Variants in LNPEP observed in about 807,000 individuals in gnomAD.
LNPEP encodes the protein leucyl-cystinyl aminopeptidase.
LNPEP carries 64 observed loss-of-function variants against 120.6 expected under a neutral mutation model. The observed-to-expected ratio is 0.53, with a 90% CI of 0.43 to 0.65. The LOEUF (loss-of-function observed/expected upper bound fraction) is 0.65. Among genes scored for constraint, LNPEP ranks in the 30% least tolerant of loss-of-function variants. The pLI, the probability that LNPEP is intolerant of heterozygous loss-of-function variation, is 0.00. For synonymous variants in LNPEP, 435 were observed against 425.4 expected, an observed-to-expected ratio of 1.02 and a Z score of -0.28; for missense variants, 1,057 against 1,200.0, an observed-to-expected ratio of 0.88 and a Z score of 1.76.
At position 97,027,805 on chromosome 5, in the gene LNPEP, T is replaced by C; in HGVS notation, c.2937T>C (p.His979=). 1.3e-6 allele frequency: 2 copies of C among 1,598,938 alleles called. No homozygotes were observed. The highest frequency in any genetic ancestry group is 8.6e-7 in the Non-Finnish European group (1 of 1,166,166). Reference sequence around the variant, plus strand: ...CTTACCTGTTTTCAACAAAGACACATTTATCTGAGGTTGGTTTTATAAAAT... The same window carrying C: ...CTTACCTGTTTTCAACAAAGACACACTTATCTGAGGTTGGTTTTATAAAAT... ...GSTYLFSTKT[H]LSEVQAFFEN... The change falls in exon 17 of 18, where the codon CAT becomes CAC. Residue 979 remains histidine, a synonymous_variant. Transcript: ENST00000231368.
At chr5:96,966,003 C>T (rs957353669) in intron 1 of LNPEP, among the ~76,000 whole-genome samples, 1 of 152,068 alleles carries the variant, frequency 6.6e-6, no homozygotes, top group Non-Finnish European at 1.5e-5. Flanking sequence ...TGGTCATTGG[C>T]ATTCTCTAGT....
At chr5:96,987,083 C>T (rs540749596) in intron 4 of LNPEP, among the ~76,000 whole-genome samples, 3 of 152,156 alleles carry the variant, frequency 2.0e-5, no homozygotes, top group Admixed American at 6.5e-5. Flanking sequence ...GCTACATATT[C>T]GATAGCTCTA....
intron 2 of LNPEP, 23 bp downstream of exon 2, chr5:96,980,001 T>A: frequency 1.3e-6 from 2 of 1,554,606 alleles, no homozygotes; most frequent in South Asian, 2.4e-5. Flanking sequence ...CTTAAATGAT[T>A]CTGGTTTTAC....
intron 5 of LNPEP, 61 bp downstream of exon 5, chr5:96,993,196 A>AT (rs1448632117): frequency 1.5e-6 from 2 of 1,293,202 alleles, no homozygotes; most frequent in South Asian, 3.3e-5. Flanking sequence ...TATTTTGTGA[A>AT]TTTTTTTAGA....
intron 1 of LNPEP, among the ~76,000 whole-genome samples, chr5:96,947,692 G>A (rs1212039648): frequency 6.6e-6 from 1 of 152,088 alleles, no homozygotes; most frequent in Non-Finnish European, 1.5e-5. Flanking sequence ...GTAGAACTCC[G>A]TGGTTATTAT....
chr5:96,949,280 G>A (rs1789265712), intron 1 of LNPEP, among the ~76,000 whole-genome samples: 1 of 152,256 alleles, frequency 6.6e-6, no homozygotes, highest in Non-Finnish European at 1.5e-5. Flanking sequence ...CAGGAGGTGA[G>A]CAGTGGGCAA....
intron 1 of LNPEP, among the ~76,000 whole-genome samples, chr5:96,974,769 A>G (rs1428235276): frequency 6.6e-6 from 1 of 152,074 alleles, no homozygotes; most frequent in East Asian, 1.9e-4. Context: ...GGGTCTCTCT[A>G]GGCCTCATTT....
In LNPEP at chr5:96,985,209, T is replaced by C. The variant is rs759202025; in HGVS notation, c.990T>C (p.Asn330=). 1.6e-5 allele frequency: 26 copies of C among 1,613,582 alleles called. No individual in the cohort carries two copies. The East Asian group carries it at 5.8e-4, about 36-fold the overall frequency. ...ATGAGCAATACACCGCTTTATCAAA[T>C]ATGCCTAAGGTACTGTTCTGTTCCT... ...IRDEQYTALS[N]MPKKSSVVLD... The change falls in exon 3 of 18, where the codon AAT becomes AAC. Residue 330 remains asparagine (N), a synonymous_variant. Coordinates refer to ENST00000231368, the MANE Select transcript of LNPEP (RefSeq NM_005575.3).
At chr5:97,016,802 A>C (rs192532412) in intron 13 of LNPEP, among the ~76,000 whole-genome samples, 1 of 152,290 alleles carries the variant, frequency 6.6e-6, no homozygotes, top group Admixed American at 6.5e-5. Flanking sequence ...AGAAGTATGC[A>C]AATAGCTTAC....
intron 1 of LNPEP, among the ~76,000 whole-genome samples, chr5:96,963,018 T>G (rs1789643306): frequency 6.6e-6 from 1 of 152,114 alleles, no homozygotes; most frequent in South Asian, 2.1e-4. Context: ...GGGAGGAGTT[T>G]TTATATAAAG....
chr5:97,016,570 TG>T (rs1791074233), intron 13 of LNPEP, among the ~76,000 whole-genome samples: 2 of 152,164 alleles, frequency 1.3e-5, no homozygotes, highest in Non-Finnish European at 2.9e-5. Context: ...AAAATCAATT[TG>T]TGTCCTAGCA....
chr5:96,961,787 G>C (rs781016961), intron 1 of LNPEP, among the ~76,000 whole-genome samples: 14 of 151,902 alleles, frequency 9.2e-5, no homozygotes, highest in Non-Finnish European at 2.1e-4. Flanking sequence ...AAATTATACT[G>C]TATTATATTA....
rs1790706385 is a variant in LNPEP, at chr5:97,003,562, A to T, written c.1785+16A>T. On this transcript the variant is annotated intron_variant, in intron 9 of 17. Transcript: ENST00000231368. Reference sequence around the variant, plus strand: ...TTTTAATGAGGTAAGTGACCTGGGTAATTTATTTAGCTCTTACTGTAAAAA... The same window carrying T: ...TTTTAATGAGGTAAGTGACCTGGGTTATTTATTTAGCTCTTACTGTAAAAA... The T allele has an allele frequency of 1.9e-6, 3 of 1,559,672 alleles. No individual in the cohort carries two copies. The African/African-American group carries it at 4.1e-5, about 21-fold the overall frequency.
At chr5:97,021,000 A>C (rs1791181044) in intron 13 of LNPEP, among the ~76,000 whole-genome samples, 1 of 152,072 alleles carries the variant, frequency 6.6e-6, no homozygotes, top group South Asian at 2.1e-4. Flanking sequence ...TTTTGGAGAG[A>C]GATGAAAAAG....
intron 1 of LNPEP, among the ~76,000 whole-genome samples, chr5:96,941,175 C>G (rs150315649): frequency 0.011 from 1,734 of 152,244 alleles, 28 homozygotes; most frequent in African/African-American, 0.04. Flanking sequence ...CTCACATGCG[C>G]AGTTCACAAT....
intron 4 of LNPEP, among the ~76,000 whole-genome samples, chr5:96,989,351 T>TATAA (rs1790329654): frequency 4.0e-5 from 1 of 25,094 alleles, no homozygotes; most frequent in African/African-American, 1.5e-4. Context: ...ATATAATATA[T>TATAA]TATATATTAT....
chr5:97,024,659 A>C lies in LNPEP; in HGVS notation c.2700A>C (p.Ser900=). ...AAATACTAGAAGCACTTGCCAGCTCAGAGGATGTGCGGAAGCTTTACTGGT... is the reference window on the plus strand; with the variant it reads ...AAATACTAGAAGCACTTGCCAGCTCCGAGGATGTGCGGAAGCTTTACTGGT... The part of the protein sequence containing the change: ...KNKILEALAS[S]EDVRKLYWLM... Residue 900 remains serine (S), a synonymous_variant, in exon 15 of 18, where the codon TCA becomes TCC. Transcript: ENST00000231368. 1 of 1,613,850 alleles carries C rather than the reference A, an allele frequency of 6.2e-7. No individual in the cohort carries two copies. Among genetic ancestry groups the C allele is most frequent in the Non-Finnish European group, 8.5e-7 (1 of 1,179,816 alleles).
In LNPEP at chr5:97,030,115, T is replaced by A. The variant is rs1450092737; in HGVS notation, c.*1582T>A. ...TGGAATTGTGAATAAAATTATATTT[T>A]ATTTTATGAAAATATTTTTATATAA... On this transcript the variant is annotated 3_prime_UTR_variant, in exon 18 of 18. Transcript: ENST00000231368. 6.6e-6 allele frequency: 1 copy of A among 151,982 alleles called. No homozygotes were observed. The highest frequency in any genetic ancestry group is 1.5e-5 in the Non-Finnish European group (1 of 67,966). The allele number at this position is 151,982 out of a possible 1,614,324, so 9.4% of individuals were successfully genotyped here. A position where few individuals can be genotyped will look rare whatever the true frequency, so the allele number is the denominator to read the frequency against.
Position 97,015,017 on chromosome 5 carries a change from C to G in LNPEP, c.2298C>G (p.Thr766=), listed in dbSNP as rs761457107. Residue 766 remains threonine, a synonymous_variant, in exon 13 of 18, where the codon ACC becomes ACG. Coordinates refer to ENST00000231368, the MANE Select transcript of LNPEP (RefSeq NM_005575.3). ...ATGAGAACCATACTGCACCCATCACCGAAGCCCTGTTTCAGACAGACCTCA... is the reference window on the plus strand; with the variant it reads ...ATGAGAACCATACTGCACCCATCACGGAAGCCCTGTTTCAGACAGACCTCA... The part of the protein sequence containing the change: ...LGNENHTAPI[T]EALFQTDLIY... 1.9e-6 allele frequency: 3 copies of G among 1,604,168 alleles called. No individual in the cohort carries two copies. Among genetic ancestry groups the G allele is most frequent in the Non-Finnish European group, 2.6e-6 (3 of 1,174,878 alleles).
Sources: allele counts gnomAD v4.1 joint callset (sites outside exome capture counted in the v4.1 genomes callset), GRCh38; gene constraint gnomAD v4.1.1; transcripts MANE v1.5; gene names NCBI Gene and HGNC (gene_info 2026-07-23, HGNC 2026-07-21).